ZNF618: variants seen among roughly 807,000 people sequenced by gnomAD.
The protein encoded by ZNF618 is neural precursor cell expressed, developmentally down-regulated 10.
A neutral mutation model predicts 103.0 loss-of-function variants in ZNF618; 34 were observed. The ratio of observed to expected loss-of-function variants is 0.33; its 90% CI spans 0.25 to 0.44. ZNF618 has a LOEUF of 0.44. Ranked by LOEUF, ZNF618 falls within the 20% of genes least tolerant of loss-of-function variation. The pLI, the probability that ZNF618 is intolerant of heterozygous loss-of-function variation, is 1.00. For missense variants in ZNF618, 1,059 were observed against 1,295.4 expected, an observed-to-expected ratio of 0.82 and a Z score of 2.80; for synonymous variants, 551 against 542.2, an observed-to-expected ratio of 1.02 and a Z score of -0.23.
rs187495044 is a variant in ZNF618 at position 113,965,289 on chromosome 9, A to G, written c.34-3828A>G. On this transcript the variant is annotated intron_variant, in intron 1 of 14. Transcript: ENST00000374126. ...ATGTCTTACAACTTACATTTGCACA[A>G]ATTTAGAAATAAAATTTCTGGGTTT... Among the ~76,000 whole-genome samples the G allele has an allele frequency of 1.1e-4, 17 of 152,282 alleles. No homozygotes were observed. The East Asian group carries it at 3.1e-3, about 28-fold the overall frequency.
chr9:113,942,807 C>T (rs1436309656), intron 1 of ZNF618, among the ~76,000 whole-genome samples: 1 of 152,150 alleles, frequency 6.6e-6, no homozygotes, highest in Non-Finnish European at 1.5e-5. Context: ...TTAATAGCAA[C>T]AAGACCAGGC....
chr9:114,039,772 A>C (rs554754063), intron 13 of ZNF618, among the ~76,000 whole-genome samples: 1 of 152,288 alleles, frequency 6.6e-6, no homozygotes, highest in East Asian at 1.9e-4. Context: ...GAGATGACGG[A>C]TGTAGAGTAT....
At chr9:114,006,007 C>T (rs889078941) in intron 6 of ZNF618, among the ~76,000 whole-genome samples, 10 of 152,298 alleles carry the variant, frequency 6.6e-5, no homozygotes, top group African/African-American at 2.4e-4. Context: ...TGCTCAGGGA[C>T]CAGTTTGTGT....
At chr9:113,959,197 G>A (rs1376507319) in intron 1 of ZNF618, among the ~76,000 whole-genome samples, 1 of 151,938 alleles carries the variant, frequency 6.6e-6, no homozygotes, top group Non-Finnish European at 1.5e-5. Context: ...GCTGAGGCAG[G>A]AATTGCTTGA....
chr9:113,913,231 C>T (rs1024993350), intron 1 of ZNF618, among the ~76,000 whole-genome samples: 1 of 152,124 alleles, frequency 6.6e-6, no homozygotes, highest in Admixed American at 6.6e-5. Context: ...GGTATTCCCC[C>T]CTTTTACAGA....
At chr9:114,035,540 A>G (rs569513487) in intron 12 of ZNF618, among the ~76,000 whole-genome samples, 6 of 152,258 alleles carry the variant, frequency 3.9e-5, no homozygotes, top group East Asian at 3.9e-4. Flanking sequence ...TCCGAGCCCC[A>G]TCGCAGCCGT....
At chr9:114,039,349 T>G (rs1372313351) in intron 13 of ZNF618, among the ~76,000 whole-genome samples, 7 of 123,292 alleles carry the variant, frequency 5.7e-5, no homozygotes, top group African/African-American at 1.4e-4. Flanking sequence ...TGTTTTTTTT[T>G]TTTTTTTTTT....
At chr9:113,895,921 C>G (rs1829999280) in intron 1 of ZNF618, among the ~76,000 whole-genome samples, 1 of 151,942 alleles carries the variant, frequency 6.6e-6, no homozygotes, top group South Asian at 2.1e-4. Flanking sequence ...CCGTTTTGAC[C>G]ATTTATATTT....
intron 2 of ZNF618, 57 bp downstream of exon 2, chr9:113,969,217 T>C (rs1837721270): frequency 3.7e-6 from 6 of 1,600,120 alleles, no homozygotes; most frequent in Non-Finnish European, 5.1e-6. Flanking sequence ...TCTTCATGAC[T>C]AACAGTTACC....
At chr9:113,967,705 A>G (rs556878263) in intron 1 of ZNF618, among the ~76,000 whole-genome samples, 2 of 152,310 alleles carry the variant, frequency 1.3e-5, no homozygotes, top group South Asian at 4.1e-4. Context: ...ATTAAATGAG[A>G]GAAGGCATTA....
intron 1 of ZNF618, among the ~76,000 whole-genome samples, chr9:113,906,954 G>A (rs1831045312): frequency 6.6e-6 from 1 of 152,190 alleles, no homozygotes; most frequent in Admixed American, 6.5e-5. Flanking sequence ...ACTTCTTCAG[G>A]CAGGCCCTCT....
At chr9:113,934,485 G>C (rs1588084934) in intron 1 of ZNF618, among the ~76,000 whole-genome samples, 1 of 152,162 alleles carries the variant, frequency 6.6e-6, no homozygotes, top group Non-Finnish European at 1.5e-5. Flanking sequence ...CATGGAACGC[G>C]CTGAAGCCCG....
chr9:113,988,882 G>A (rs953477940), intron 3 of ZNF618, among the ~76,000 whole-genome samples: 1 of 152,184 alleles, frequency 6.6e-6, no homozygotes, highest in South Asian at 2.1e-4. Flanking sequence ...CTGTCTCAGG[G>A]CTCCCATACC....
At position 114,002,603 on chromosome 9, in the gene ZNF618, CCTCT is replaced by C. The variant is rs3034072; in HGVS notation, c.512-10_512-7del. Reference sequence around the variant, plus strand: ...TTGGCCCGGTAGCCCCACCCCCATCCCTCTCTCTCTCTCTTTGCAGACACCGAAG... The same window carrying C: ...TTGGCCCGGTAGCCCCACCCCCATCCCTCTCTCTCTTTGCAGACACCGAAG... On this transcript the variant is annotated splice_polypyrimidine_tract_variant and intron_variant, in intron 5 of 14. Coordinates refer to ENST00000374126, the MANE Select transcript of ZNF618 (RefSeq NM_001318042.2). 5.3e-6 allele frequency: 8 copies of C among 1,515,184 alleles called. No individual in the cohort carries two copies. The highest frequency in any genetic ancestry group is 2.4e-5 in the South Asian group (2 of 84,734). 93.9% of individuals were successfully genotyped at this position (1,515,184 alleles called of 1,614,324 possible). A position where few individuals can be genotyped will look rare whatever the true frequency, so the allele number is the denominator to read the frequency against.
chr9:114,010,478 G>A (rs1458451729), intron 9 of ZNF618, among the ~76,000 whole-genome samples: 10 of 151,814 alleles, frequency 6.6e-5, no homozygotes, highest in Admixed American at 2.6e-4. Flanking sequence ...AGGCCGAGAC[G>A]GGTGGATCAC....
chr9:113,961,299 C>G (rs1836824125), intron 1 of ZNF618, among the ~76,000 whole-genome samples: 1 of 152,208 alleles, frequency 6.6e-6, no homozygotes, highest in East Asian at 1.9e-4. Context: ...TGCCTGTCCC[C>G]TTCACTGTTC....
At chr9:113,971,728 T>C (rs1278407105) in intron 2 of ZNF618, among the ~76,000 whole-genome samples, 9 of 152,126 alleles carry the variant, frequency 5.9e-5, no homozygotes, top group African/African-American at 2.2e-4. Flanking sequence ...CTGAATTGAG[T>C]ATTATCCCCC....
At chr9:113,905,495 G>A (rs368496511) in intron 1 of ZNF618, among the ~76,000 whole-genome samples, 49 of 152,262 alleles carry the variant, frequency 3.2e-4, no homozygotes, top group Non-Finnish European at 6.2e-4. Context: ...TGTACTGTCC[G>A]TGGCTGCTTC....
At chr9:114,006,070 C>G (rs1166785326) in intron 6 of ZNF618, among the ~76,000 whole-genome samples, 1 of 152,216 alleles carries the variant, frequency 6.6e-6, no homozygotes, top group African/African-American at 2.4e-5. Context: ...AGAGGTGAAG[C>G]TGGTGGTGGG....
Sources: allele counts gnomAD v4.1 joint callset (sites outside exome capture counted in the v4.1 genomes callset), GRCh38; gene constraint gnomAD v4.1.1; transcripts MANE v1.5; gene names NCBI Gene and HGNC (gene_info 2026-07-23, HGNC 2026-07-21).